Variants in BEND5 observed in about 807,000 individuals in gnomAD.
The protein encoded by BEND5 is BEN domain-containing protein 5.
In BEND5, 22 loss-of-function variants were observed where a neutral mutation model predicts 43.9. The observed-to-expected ratio is 0.50, with a 90% confidence interval of 0.36 to 0.72. The LOEUF (loss-of-function observed/expected upper bound fraction) is 0.72, where lower values mean the gene tolerates loss of function less well. Ranked by LOEUF, BEND5 falls within the 30% of genes least tolerant of loss-of-function variation. The pLI is 0.00. For synonymous variants in BEND5, 228 were observed against 225.9 expected (o/e 1.01, Z -0.08); for missense variants, 428 against 550.6 (o/e 0.78, Z 2.23).
chr1:48,751,786 A>G (rs1038524031), intron 3 of BEND5, among the ~76,000 whole-genome samples: 1 of 152,196 alleles, frequency 6.6e-6, no homozygotes, highest in Non-Finnish European at 1.5e-5. Flanking sequence ...GTTGTTAGAA[A>G]AGGGACAGCC....
intron 3 of BEND5, among the ~76,000 whole-genome samples, chr1:48,747,554 ACT>A (rs1269442717): frequency 2.8e-4 from 43 of 152,314 alleles, no homozygotes; most frequent in Admixed American, 2.4e-3. Context: ...CATACAAATA[ACT>A]CTGATTTAAC....
At chr1:48,762,289 C>T (rs17375010) in intron 1 of BEND5, among the ~76,000 whole-genome samples, 8,642 of 152,310 alleles carry the variant, frequency 0.057, 331 homozygotes, top group Middle Eastern at 0.088. Context: ...TTTTCTCATT[C>T]TTTAAGCTCA....
Position 48,727,752 on chromosome 1 carries a change from C to A in BEND5, c.*134G>T. 1.3e-6 allele frequency: 1 copy of A among 782,796 alleles called. No individual in the cohort carries two copies. The highest frequency in any genetic ancestry group is 2.0e-6 in the Non-Finnish European group (1 of 508,416). 48.5% of individuals were successfully genotyped at this position (782,796 alleles called of 1,614,324 possible). A position where few individuals can be genotyped will look rare whatever the true frequency, so the allele number is the denominator to read the frequency against. On this transcript the variant is annotated 3_prime_UTR_variant, in exon 6 of 6. Coordinates refer to ENST00000371833, the MANE Select transcript of BEND5 (RefSeq NM_024603.4). ...TGGAGTGTCCACATTCAGAACAAGCCGCTGACCCCAGAACCCGATGGATCC... is the reference window on the plus strand; with the variant it reads ...TGGAGTGTCCACATTCAGAACAAGCAGCTGACCCCAGAACCCGATGGATCC...
intron 3 of BEND5, among the ~76,000 whole-genome samples, chr1:48,752,743 A>G (rs1325587561): frequency 6.6e-6 from 1 of 151,852 alleles, no homozygotes; most frequent in East Asian, 1.9e-4. Context: ...ACTTTACTGC[A>G]TTTATTCATT....
chr1:48,729,653 T>C (rs918981599), intron 5 of BEND5, among the ~76,000 whole-genome samples: 2 of 152,092 alleles, frequency 1.3e-5, no homozygotes, highest in African/African-American at 4.8e-5. Context: ...CACTGCTACC[T>C]GCCCATATGC....
At chr1:48,728,609 C>A (rs930945674) in intron 5 of BEND5, among the ~76,000 whole-genome samples, 5 of 151,472 alleles carry the variant, frequency 3.3e-5, no homozygotes, top group African/African-American at 1.2e-4. Flanking sequence ...TTTGTTTTAT[C>A]CATTTTATTG....
At chr1:48,759,414 A>G in intron 2 of BEND5, 130 bp from the exon 3 acceptor site, 1 of 1,392,834 alleles carries the variant, frequency 7.2e-7, no homozygotes, top group Non-Finnish European at 9.4e-7. Flanking sequence ...AAACCTGTGC[A>G]AACACTTAGT....
chr1:48,762,052 C>T (rs1023280395), intron 1 of BEND5, among the ~76,000 whole-genome samples: 1 of 152,132 alleles, frequency 6.6e-6, no homozygotes, highest in African/African-American at 2.4e-5. Context: ...CAAATCTCAG[C>T]ATGACTGAGT....
At chr1:48,745,611 C>T (rs534906302) in intron 3 of BEND5, among the ~76,000 whole-genome samples, 66 of 152,294 alleles carry the variant, frequency 4.3e-4, no homozygotes, top group African/African-American at 1.5e-3. Flanking sequence ...TTGTCCAGAA[C>T]ATTCTACCCC....
intron 4 of BEND5, among the ~76,000 whole-genome samples, chr1:48,738,281 G>T (rs1649378507): frequency 6.6e-6 from 1 of 152,216 alleles, no homozygotes; most frequent in Non-Finnish European, 1.5e-5. Context: ...TTGCTCAAAA[G>T]ATCAGTCAGA....
intron 3 of BEND5, among the ~76,000 whole-genome samples, chr1:48,756,571 C>T (rs1643939617): frequency 6.6e-6 from 1 of 152,166 alleles, no homozygotes; most frequent in South Asian, 2.1e-4. Context: ...GAAAGAAGGA[C>T]ATGAGCTTCC....
At chr1:48,753,028 G>T (rs977051272) in intron 3 of BEND5, among the ~76,000 whole-genome samples, 1 of 152,206 alleles carries the variant, frequency 6.6e-6, no homozygotes, top group Non-Finnish European at 1.5e-5. Flanking sequence ...GATTACAGGC[G>T]TGAGCCACTG....
intron 3 of BEND5, among the ~76,000 whole-genome samples, chr1:48,749,983 A>G (rs913550460): frequency 6.6e-5 from 10 of 152,138 alleles, no homozygotes; most frequent in Non-Finnish European, 1.3e-4. Flanking sequence ...TTCCTGAGGG[A>G]CCACTGTGGG....
At chr1:48,748,178 C>T (rs1651062720) in intron 3 of BEND5, among the ~76,000 whole-genome samples, 1 of 152,190 alleles carries the variant, frequency 6.6e-6, no homozygotes, top group South Asian at 2.1e-4. Flanking sequence ...AAACAAAGGC[C>T]TTGGAAAGAG....
At position 48,736,557 on chromosome 1, in the gene BEND5, T is replaced by G; in HGVS notation, c.895-105A>C. 1.0e-6 allele frequency: 1 copy of G among 988,408 alleles called. No individual in the cohort carries two copies. The highest frequency in any genetic ancestry group is 1.5e-6 in the Non-Finnish European group (1 of 648,028). The allele number at this position is 988,408 out of a possible 1,614,324, so 61.2% of individuals were successfully genotyped here. ...TTGCTGCACAACTGTAAGAGATTCA[T>G]GTCATAAATATGAAATTAACTCTCT... On this transcript the variant is annotated intron_variant, in intron 4 of 5. Transcript: ENST00000371833. This position sits in a 1 kb window ranked among gnomAD's most constrained non-coding sequence, Gnocchi z 4.0.
At chr1:48,757,380 C>G (rs1359527288) in intron 3 of BEND5, among the ~76,000 whole-genome samples, 1 of 152,146 alleles carries the variant, frequency 6.6e-6, no homozygotes, top group Non-Finnish European at 1.5e-5. Flanking sequence ...TAATAAAGAA[C>G]TTTACTAACT....
chr1:48,753,401 A>G (rs1166575802), intron 3 of BEND5, among the ~76,000 whole-genome samples: 1 of 152,260 alleles, frequency 6.6e-6, no homozygotes, highest in Non-Finnish European at 1.5e-5. Context: ...TCTCCAGTAC[A>G]GGAGAAAACC....
intron 3 of BEND5, among the ~76,000 whole-genome samples, chr1:48,756,764 G>A (rs1643952388): frequency 6.6e-6 from 1 of 152,214 alleles, no homozygotes; most frequent in Admixed American, 6.5e-5. Flanking sequence ...TTTCACTGAT[G>A]AGAGACAGTG....
At chr1:48,761,541 A>G (rs1644255068) in intron 1 of BEND5, 71 bp from the exon 2 acceptor site, 2 of 1,440,994 alleles carry the variant, frequency 1.4e-6, no homozygotes, top group Non-Finnish European at 1.9e-6. Flanking sequence ...AGAATGCCCA[A>G]AACCTCAAAT....
Sources: allele counts gnomAD v4.1 joint callset (sites outside exome capture counted in the v4.1 genomes callset), GRCh38; gene constraint gnomAD v4.1.1; non-coding constraint Gnocchi (gnomAD v3.1); transcripts MANE v1.5; gene names NCBI Gene and HGNC (gene_info 2026-07-23, HGNC 2026-07-21).